GRIP1: variants seen among roughly 807,000 people sequenced by gnomAD.
GRIP1 encodes the protein glutamate receptor-interacting protein 1.
A neutral mutation model predicts 129.9 loss-of-function variants in GRIP1; 45 were observed. That is an observed-to-expected ratio of 0.35 (90% CI 0.27 to 0.44). The LOEUF (loss-of-function observed/expected upper bound fraction) is 0.44, where lower values mean the gene tolerates loss of function less well. Among genes scored for constraint, GRIP1 ranks in the 20% least tolerant of loss-of-function variants. GRIP1 has a pLI of 1.00. For synonymous variants in GRIP1, 530 were observed against 520.8 expected, an observed-to-expected ratio of 1.02 and a Z score of -0.24; for missense variants, 1,196 against 1,396.8, an observed-to-expected ratio of 0.86 and a Z score of 2.29.
At chr12:67,018,363 C>A (rs1304742725) in intron 1 of GRIP1, among the ~76,000 whole-genome samples, 1 of 152,184 alleles carries the variant, frequency 6.6e-6, no homozygotes, top group East Asian at 1.9e-4. Flanking sequence ...ATTGGTCCTA[C>A]ACACTCACCC....
intron 1 of GRIP1, among the ~76,000 whole-genome samples, chr12:66,954,101 C>T (rs577311568): frequency 6.6e-6 from 1 of 152,284 alleles, no homozygotes; most frequent in Non-Finnish European, 1.5e-5. Flanking sequence ...TTCATGTGGA[C>T]GTTGCCTTTA....
intron 7 of GRIP1, among the ~76,000 whole-genome samples, chr12:66,503,642 C>T (rs1027102679): frequency 6.6e-6 from 1 of 152,154 alleles, no homozygotes; most frequent in Non-Finnish European, 1.5e-5. Flanking sequence ...CAGACCCATA[C>T]GGATTCGCCA....
At chr12:66,628,943 T>C (rs1046980838) in intron 1 of GRIP1, among the ~76,000 whole-genome samples, 1 of 152,234 alleles carries the variant, frequency 6.6e-6, no homozygotes, top group Non-Finnish European at 1.5e-5. Context: ...TAAGTCTGTT[T>C]TGCACCATTG....
intron 16 of GRIP1, among the ~76,000 whole-genome samples, chr12:66,396,570 T>C (rs992449662): frequency 2.0e-5 from 3 of 152,152 alleles, no homozygotes; most frequent in Non-Finnish European, 4.4e-5. Flanking sequence ...GCTGCCTTAT[T>C]TGGAGACATT....
At chr12:66,958,218 C>G (rs1357499150) in intron 1 of GRIP1, among the ~76,000 whole-genome samples, 1 of 152,158 alleles carries the variant, frequency 6.6e-6, no homozygotes, top group Non-Finnish European at 1.5e-5. Flanking sequence ...TGGCTCATTA[C>G]AGCCTGGAAC....
intron 2 of GRIP1, among the ~76,000 whole-genome samples, chr12:66,544,458 CCA>C (rs2061883756): frequency 6.6e-6 from 1 of 152,134 alleles, no homozygotes; most frequent in Non-Finnish European, 1.5e-5. Flanking sequence ...AGGGAAGCAG[CCA>C]CAGAGAAGAT....
At chr12:66,997,671 C>T (rs1018756044) in intron 1 of GRIP1, among the ~76,000 whole-genome samples, 10 of 152,040 alleles carry the variant, frequency 6.6e-5, no homozygotes, top group South Asian at 2.1e-4. Context: ...ATATTGTTGA[C>T]GCAGAAACCA....
At chr12:66,771,018 A>G (rs561742355) in intron 1 of GRIP1, among the ~76,000 whole-genome samples, 9 of 152,234 alleles carry the variant, frequency 5.9e-5, no homozygotes, top group African/African-American at 1.9e-4. Context: ...GCTTGAACCC[A>G]GGAGGCGGAA....
chr12:66,749,739 C>A (rs2037066130), intron 1 of GRIP1, among the ~76,000 whole-genome samples: 1 of 152,060 alleles, frequency 6.6e-6, no homozygotes, highest in South Asian at 2.1e-4. Flanking sequence ...CCACCACCAA[C>A]CCTTTTACCC....
At chr12:66,995,946 G>C (rs1422533489) in intron 1 of GRIP1, among the ~76,000 whole-genome samples, 1 of 152,022 alleles carries the variant, frequency 6.6e-6, no homozygotes, top group Non-Finnish European at 1.5e-5. Context: ...CTGATGAATG[G>C]ATAAATAAAA....
At chr12:66,629,041 A>T (rs1448723891) in intron 1 of GRIP1, among the ~76,000 whole-genome samples, 2 of 152,260 alleles carry the variant, frequency 1.3e-5, no homozygotes, top group African/African-American at 4.8e-5. Flanking sequence ...TCTCTGAAAC[A>T]CAATACACCA....
intron 2 of GRIP1, among the ~76,000 whole-genome samples, chr12:66,566,526 A>G (rs895907664): frequency 7.9e-5 from 12 of 152,154 alleles, no homozygotes; most frequent in African/African-American, 2.9e-4. Flanking sequence ...GTTTGCCAGT[A>G]TTTTATTGAG....
chr12:66,629,760 T>C (rs2030533818), intron 1 of GRIP1, among the ~76,000 whole-genome samples: 1 of 152,238 alleles, frequency 6.6e-6, no homozygotes, highest in South Asian at 2.1e-4. Flanking sequence ...TCTTTAAATA[T>C]ACATAGAGCC....
At chr12:66,455,337 T>C in intron 11 of GRIP1, 72 bp downstream of exon 11, 2 of 1,341,660 alleles carry the variant, frequency 1.5e-6, no homozygotes, top group South Asian at 1.2e-5. Context: ...TCCCACAATT[T>C]CGGTATTTTC....
intron 3 of GRIP1, 72 bp from the exon 4 acceptor site, chr12:66,539,295 C>T: frequency 6.3e-7 from 1 of 1,592,544 alleles, no homozygotes; most frequent in Admixed American, 1.7e-5. Context: ...TTTCCACTTT[C>T]CCTTCATGGT....
At chr12:66,526,885 CAAAAG>C (rs1052207551) in intron 5 of GRIP1, among the ~76,000 whole-genome samples, 2 of 143,914 alleles carry the variant, frequency 1.4e-5, no homozygotes, top group African/African-American at 5.2e-5. Flanking sequence ...AGACACTTCT[CAAAAG>C]AAGACATTTA....
intron 7 of GRIP1, among the ~76,000 whole-genome samples, chr12:66,494,446 T>A (rs2060183368): frequency 1.3e-5 from 2 of 152,364 alleles, no homozygotes; most frequent in Admixed American, 1.3e-4. Flanking sequence ...CTATAGTTTC[T>A]TTCAATCTTC....
At chr12:66,485,065 A>C (rs926506137) in intron 7 of GRIP1, among the ~76,000 whole-genome samples, 5 of 152,216 alleles carry the variant, frequency 3.3e-5, no homozygotes, top group African/African-American at 1.2e-4. Context: ...TTGTTGGGTC[A>C]CAGGGTATGC....
chr12:66,875,949 C>A (rs1469469049), intron 1 of GRIP1, among the ~76,000 whole-genome samples: 1 of 151,954 alleles, frequency 6.6e-6, no homozygotes, highest in African/African-American at 2.4e-5. Context: ...AATAGTGGTA[C>A]AATTAAATTT....
Sources: gnomAD v4.1 joint callset for allele counts (sites outside exome capture counted in the v4.1 genomes callset) on GRCh38, gnomAD v4.1.1 for gene constraint, MANE v1.5 for transcripts, NCBI Gene and HGNC (gene_info 2026-07-23, HGNC 2026-07-21) for gene names.